Variants in ATXN10 observed in about 807,000 individuals in gnomAD.
ATXN10 encodes the protein ataxin 10.
Under a neutral mutation model 52.9 loss-of-function variants are expected in ATXN10, and 28 were observed. That is an observed-to-expected ratio of 0.53 (90% CI 0.39 to 0.73). The LOEUF is 0.73. Ranked by LOEUF, ATXN10 falls within the 30% of genes least tolerant of loss-of-function variation. The pLI is 0.00. For missense variants in ATXN10, 565 were observed against 577.0 expected, an observed-to-expected ratio of 0.98 and a Z score of 0.21; for synonymous variants, 226 against 221.5, an observed-to-expected ratio of 1.02 and a Z score of -0.18.
rs796721010 is a variant in ATXN10 at position 45,754,094 on chromosome 22, A to G, written c.1173+13556A>G. On this transcript the variant is annotated intron_variant, in intron 9 of 11. Coordinates refer to ENST00000252934, the MANE Select transcript of ATXN10 (RefSeq NM_013236.4). This position sits in a 1 kb window ranked among gnomAD's most constrained non-coding sequence, Gnocchi z 5.4. Reference sequence around the variant, plus strand: ...TCACACTGCCCAGTGGCAGGACGCAACCTGGGTTCCTGAGCCTTATGGGGT... The same window carrying G: ...TCACACTGCCCAGTGGCAGGACGCAGCCTGGGTTCCTGAGCCTTATGGGGT... Among the ~76,000 whole-genome samples, 2 of 151,620 alleles carry G rather than the reference A, an allele frequency of 1.3e-5. No individual in the cohort carries two copies. Among genetic ancestry groups the G allele is most frequent in the South Asian group, 2.1e-4 (1 of 4,794 alleles).
chr22:45,802,309 A>C (rs181280984), intron 9 of ATXN10, among the ~76,000 whole-genome samples: 22 of 152,334 alleles, frequency 1.4e-4, no homozygotes, highest in Admixed American at 1.1e-3. Flanking sequence ...TTAGTAAAGA[A>C]ACAAACAACT....
chr22:45,778,973 C>G (rs753532428), intron 9 of ATXN10, among the ~76,000 whole-genome samples: 10 of 152,072 alleles, frequency 6.6e-5, no homozygotes, highest in Non-Finnish European at 1.0e-4. Context: ...TCTAGAAGCT[C>G]CTGATTATAT....
At chr22:45,764,914 T>G (rs1926529600) in intron 9 of ATXN10, among the ~76,000 whole-genome samples, 1 of 152,236 alleles carries the variant, frequency 6.6e-6, no homozygotes. Context: ...GTTTTTATTC[T>G]GAACCTTTTC....
rs182077128 is a variant in ATXN10 at position 45,675,233 on chromosome 22, G to A, written c.116+3054G>A. 5 of 152,278 alleles carry A rather than the reference G, an allele frequency of 3.3e-5. No homozygotes were observed. The East Asian group carries it at 9.6e-4, about 29-fold the overall frequency. 9.4% of individuals were successfully genotyped at this position (152,278 alleles called of 1,614,324 possible). On this transcript the variant is annotated intron_variant, in intron 1 of 11. Transcript: ENST00000252934. ...AGACAGTTCTAATTTTGGGGTTTCCGGAGAAGGGGATCTCAGGATCTCATT... is the reference window on the plus strand; with the variant it reads ...AGACAGTTCTAATTTTGGGGTTTCCAGAGAAGGGGATCTCAGGATCTCATT...
chr22:45,742,334 G>A (rs141616177), intron 9 of ATXN10, among the ~76,000 whole-genome samples: 162 of 152,126 alleles, frequency 1.1e-3, no homozygotes, highest in African/African-American at 3.8e-3. Flanking sequence ...GATGATCAGC[G>A]GAGACTGACT....
intron 7 of ATXN10, among the ~76,000 whole-genome samples, chr22:45,736,818 G>A (rs1408707363): frequency 6.6e-6 from 1 of 152,114 alleles, no homozygotes; most frequent in African/African-American, 2.4e-5. Flanking sequence ...AGGCTTGGTT[G>A]TCTCTGTGAT....
At chr22:45,817,052 G>T (rs1928484894) in intron 10 of ATXN10, among the ~76,000 whole-genome samples, 1 of 152,178 alleles carries the variant, frequency 6.6e-6, no homozygotes, top group Non-Finnish European at 1.5e-5. Flanking sequence ...CGCCTGCTCT[G>T]TGTTCACAAA....
chr22:45,831,339 G>A (rs1004521338), intron 10 of ATXN10, among the ~76,000 whole-genome samples: 2 of 151,942 alleles, frequency 1.3e-5, no homozygotes, highest in Non-Finnish European at 2.9e-5. Context: ...TAGTTAGGAT[G>A]CGAAATTTTA....
intron 9 of ATXN10, among the ~76,000 whole-genome samples, chr22:45,778,041 A>G (rs922782149): frequency 1.3e-5 from 2 of 152,190 alleles, no homozygotes; most frequent in African/African-American, 4.8e-5. Context: ...CCATTCTCAC[A>G]CTACAACAAC....
At chr22:45,717,025 T>A (rs1308226932) in intron 5 of ATXN10, among the ~76,000 whole-genome samples, 1 of 152,150 alleles carries the variant, frequency 6.6e-6, no homozygotes, top group Non-Finnish European at 1.5e-5. Flanking sequence ...TGCTTGTAGT[T>A]CCCCAGACAC....
At chr22:45,753,377 C>CTGTTTTTTT (rs1926057596) in intron 9 of ATXN10, among the ~76,000 whole-genome samples, 1 of 57,814 alleles carries the variant, frequency 1.7e-5, no homozygotes, top group Non-Finnish European at 3.2e-5. Context: ...CTCTTACCAG[C>CTGTTTTTTT]TTTTTTTTTT....
intron 10 of ATXN10, among the ~76,000 whole-genome samples, chr22:45,839,389 G>C (rs1929271501): frequency 1.3e-5 from 2 of 152,236 alleles, no homozygotes; most frequent in Admixed American, 1.3e-4. Context: ...ATCATATTTT[G>C]TTCCTGAAGT....
chr22:45,782,187 C>G (rs559325837), intron 9 of ATXN10, among the ~76,000 whole-genome samples: 10 of 152,190 alleles, frequency 6.6e-5, no homozygotes, highest in Admixed American at 2.0e-4. Context: ...TCTTCTCAGT[C>G]TTTTATTCTT....
intron 10 of ATXN10, among the ~76,000 whole-genome samples, chr22:45,810,541 A>C (rs58879104): frequency 0.019 from 2,929 of 152,360 alleles, 110 homozygotes; most frequent in African/African-American, 0.067. Context: ...CCACATACTG[A>C]GTTATTCATT....
rs561324432 is a variant in ATXN10 at position 45,700,344 on chromosome 22, A to G, written c.454A>G (p.Ile152Val). 28 of 1,614,060 alleles carry G rather than the reference A, an allele frequency of 1.7e-5. No homozygotes were observed. Among genetic ancestry groups the G allele is most frequent in the African/African-American group, 5.3e-5 (4 of 75,026 alleles). ...CTCACGGAATGAAGATTCCCAGTCT[A>G]TTGTTTGGGTGCATGCTTTCCCAGA... ...IASRNEDSQS[I>V]VWVHAFPELF... Residue 152 changes from isoleucine to valine, a missense_variant, in exon 4 of 12, where the codon ATT (isoleucine) becomes GTT (valine). Ile to Val is a conservative substitution (Grantham distance 29). Transcript: ENST00000252934.
intron 8 of ATXN10, among the ~76,000 whole-genome samples, chr22:45,739,441 T>TGTC (rs1925424713): frequency 6.6e-6 from 1 of 152,230 alleles, no homozygotes; most frequent in Non-Finnish European, 1.5e-5. Context: ...TGATACTTAC[T>TGTC]CTGGAGACCA....
chr22:45,715,400 C>T lies in ATXN10; in HGVS notation c.648-3013C>T, dbSNP rs548729754. On this transcript the variant is annotated intron_variant, in intron 5 of 11. Transcript: ENST00000252934. This position sits in a 1 kb window ranked among gnomAD's most constrained non-coding sequence, Gnocchi z 4.4. Reference sequence around the variant, plus strand: ...TATCAGTATAGACTGATGTTTTATACATTATATAAACATGATGATATGGAT... The same window carrying T: ...TATCAGTATAGACTGATGTTTTATATATTATATAAACATGATGATATGGAT... Among the ~76,000 whole-genome samples the T allele has an allele frequency of 8.5e-5, 13 of 152,300 alleles. No homozygotes were observed. In the South Asian group the frequency reaches 2.5e-3, roughly 29 times the overall value.
chr22:45,788,716 G>A (rs1451268803), intron 9 of ATXN10, among the ~76,000 whole-genome samples: 1 of 151,954 alleles, frequency 6.6e-6, no homozygotes, highest in Non-Finnish European at 1.5e-5. Context: ...CAGTGCAGTG[G>A]CACAGTCAAA....
chr22:45,795,133 G>A lies in ATXN10; in HGVS notation c.1174-11826G>A, dbSNP rs1927662998. Reference sequence around the variant, plus strand: ...GTAAAGATGTATACTCTAAACTCCAGTGCAACCACTTTTAGAAAAAGAGAG... The same window carrying A: ...GTAAAGATGTATACTCTAAACTCCAATGCAACCACTTTTAGAAAAAGAGAG... On this transcript the variant is annotated intron_variant, in intron 9 of 11. Coordinates refer to ENST00000252934, the MANE Select transcript of ATXN10 (RefSeq NM_013236.4). The surrounding 1 kb of genome is among the most constrained non-coding windows in gnomAD (Gnocchi z 4.6). Among the ~76,000 whole-genome samples, 1 of 152,086 alleles carries A rather than the reference G, an allele frequency of 6.6e-6. No individual in the cohort carries two copies. The highest frequency in any genetic ancestry group is 2.4e-5 in the African/African-American group (1 of 41,388).
Sources: gnomAD v4.1 joint callset for allele counts (sites outside exome capture counted in the v4.1 genomes callset) on GRCh38, gnomAD v4.1.1 for gene constraint, Gnocchi (gnomAD v3.1) non-coding constraint, MANE v1.5 for transcripts, NCBI Gene and HGNC (gene_info 2026-07-23, HGNC 2026-07-21) for gene names.